Variants in DCHS2 observed in about 807,000 individuals in gnomAD.
The protein encoded by DCHS2 is protocadherin-23.
A neutral mutation model predicts 182.4 loss-of-function variants in DCHS2; 142 were observed. That is an observed-to-expected ratio of 0.78 (90% CI 0.68 to 0.89). The LOEUF (loss-of-function observed/expected upper bound fraction) is 0.89. Among genes scored for constraint, DCHS2 ranks in the 40% least tolerant of loss-of-function variants. The pLI, the probability that DCHS2 is intolerant of heterozygous loss-of-function variation, is 0.00. For missense variants in DCHS2, 4,319 were observed against 4,198.6 expected, an observed-to-expected ratio of 1.03 and a Z score of -0.79; for synonymous variants, 1,740 against 1,663.3, an observed-to-expected ratio of 1.05 and a Z score of -1.12.
chr4:154,309,507 G>A (rs749232964), intron 10 of DCHS2, among the ~76,000 whole-genome samples: 1 of 152,152 alleles, frequency 6.6e-6, no homozygotes, highest in African/African-American at 2.4e-5. Flanking sequence ...AGTATTAGGG[G>A]TGGTAGCTGC....
intron 1 of DCHS2, among the ~76,000 whole-genome samples, chr4:154,424,295 A>G (rs560959107): frequency 6.6e-6 from 1 of 152,344 alleles, no homozygotes; most frequent in South Asian, 2.1e-4. Flanking sequence ...AGCTGAAAGT[A>G]AAGGACAGTA....
intron 1 of DCHS2, among the ~76,000 whole-genome samples, chr4:154,434,850 A>G (rs922527615): frequency 1.3e-5 from 2 of 152,228 alleles, no homozygotes; most frequent in African/African-American, 4.8e-5. Flanking sequence ...CCCCAAATTA[A>G]GGGACATTTT....
At chr4:154,342,923 A>C (rs1303837956) in intron 3 of DCHS2, among the ~76,000 whole-genome samples, 1 of 152,244 alleles carries the variant, frequency 6.6e-6, no homozygotes, top group Non-Finnish European at 1.5e-5. Context: ...CTATAGCCTT[A>C]GGAAATGTAT....
intron 7 of DCHS2, among the ~76,000 whole-genome samples, chr4:154,325,624 C>G (rs115186779): frequency 6.6e-6 from 1 of 151,836 alleles, no homozygotes; most frequent in Non-Finnish European, 1.5e-5. Flanking sequence ...GGGAAAGAGT[C>G]TCTGAAGGAG....
At chr4:154,259,021 T>C (rs1732841070) in intron 15 of DCHS2, among the ~76,000 whole-genome samples, 1 of 151,674 alleles carries the variant, frequency 6.6e-6, no homozygotes, top group South Asian at 2.1e-4. Flanking sequence ...GGAGAAAGTA[T>C]CAAGGATGGG....
chr4:154,357,189 C>T, intron 3 of DCHS2: 1 of 1,481,678 alleles, frequency 6.7e-7, no homozygotes, highest in Non-Finnish European at 9.4e-7. Flanking sequence ...GCTTCTGACT[C>T]TGGCTTTTTT....
At chr4:154,268,237 C>A (rs1234328920) in intron 14 of DCHS2, among the ~76,000 whole-genome samples, 1 of 129,698 alleles carries the variant, frequency 7.7e-6, no homozygotes, top group Admixed American at 7.3e-5. Flanking sequence ...CTTTCCCCCC[C>A]CCAAAAAAAT....
chr4:154,369,754 A>C (rs1291087643), intron 2 of DCHS2, among the ~76,000 whole-genome samples: 4 of 152,152 alleles, frequency 2.6e-5, no homozygotes, highest in Admixed American at 2.0e-4. Context: ...CTGATGATTC[A>C]TGTGGCATTT....
intron 3 of DCHS2, among the ~76,000 whole-genome samples, chr4:154,349,213 A>G (rs1178121199): frequency 6.7e-6 from 1 of 150,258 alleles, no homozygotes; most frequent in Non-Finnish European, 1.5e-5. Flanking sequence ...AGGAAAACAG[A>G]AACAGGGAAC....
At chr4:154,462,383 C>T (rs182735164) in intron 1 of DCHS2, among the ~76,000 whole-genome samples, 15 of 152,224 alleles carry the variant, frequency 9.9e-5, no homozygotes, top group Admixed American at 9.2e-4. Flanking sequence ...TTACAACATA[C>T]GAAAGCTTTC....
intron 12 of DCHS2, among the ~76,000 whole-genome samples, chr4:154,304,237 A>G (rs911317580): frequency 3.9e-5 from 6 of 152,096 alleles, no homozygotes; most frequent in Non-Finnish European, 7.3e-5. Context: ...GAAAGCAACA[A>G]AAATAGAAAA....
chr4:154,361,978 A>C (rs1193776058), intron 3 of DCHS2, among the ~76,000 whole-genome samples: 1 of 152,226 alleles, frequency 6.6e-6, no homozygotes, highest in African/African-American at 2.4e-5. Context: ...TGCAAATGAA[A>C]TCTCTAAGAG....
At chr4:154,289,529 T>C (rs530324389) in intron 13 of DCHS2, among the ~76,000 whole-genome samples, 1 of 151,938 alleles carries the variant, frequency 6.6e-6, no homozygotes, top group Admixed American at 6.6e-5. Context: ...CTAACACCTA[T>C]CACACTCAAA....
chr4:154,327,054 T>A (rs1736312254), intron 7 of DCHS2, among the ~76,000 whole-genome samples: 1 of 152,224 alleles, frequency 6.6e-6, no homozygotes, highest in South Asian at 2.1e-4. Context: ...CCTTCATTAA[T>A]ATTTTATATT....
intron 13 of DCHS2, among the ~76,000 whole-genome samples, chr4:154,278,729 G>C (rs1733985290): frequency 6.6e-6 from 1 of 151,972 alleles, no homozygotes; most frequent in Admixed American, 6.6e-5. Context: ...GTAGGATGAT[G>C]TACTCAAAGG....
intron 1 of DCHS2, among the ~76,000 whole-genome samples, chr4:154,419,762 G>A (rs900999449): frequency 1.3e-5 from 2 of 149,442 alleles, no homozygotes; most frequent in African/African-American, 2.5e-5. Context: ...TGGTGAAGAA[G>A]GTTTCCAGGA....
At chr4:154,484,577 C>A (rs995203556) in intron 1 of DCHS2, among the ~76,000 whole-genome samples, 1 of 152,164 alleles carries the variant, frequency 6.6e-6, no homozygotes, top group Admixed American at 6.5e-5. Context: ...ATTATATTTA[C>A]CTGATCTACT....
chr4:154,316,073 C>T (rs978799200), intron 9 of DCHS2, 86 bp from the exon 10 acceptor site: 18 of 1,536,710 alleles, frequency 1.2e-5, no homozygotes, highest in Admixed American at 2.0e-5. Context: ...AACTTGTCTA[C>T]CTAATAAAAA....
chr4:154,394,617 G>T (rs1731856236), intron 1 of DCHS2, among the ~76,000 whole-genome samples: 1 of 152,122 alleles, frequency 6.6e-6, no homozygotes, highest in Admixed American at 6.6e-5. Context: ...ATCCTATCAG[G>T]GTTCTAGGTC....
Sources: gnomAD v4.1 joint callset for allele counts (sites outside exome capture counted in the v4.1 genomes callset) on GRCh38, gnomAD v4.1.1 for gene constraint, MANE v1.5 for transcripts, NCBI Gene and HGNC (gene_info 2026-07-23, HGNC 2026-07-21) for gene names.